Variants in PDE4D observed in about 807,000 individuals in gnomAD.
The protein encoded by PDE4D is phosphodiesterase 4D.
Under a neutral mutation model 87.4 loss-of-function variants are expected in PDE4D, and 24 were observed. That is an observed-to-expected ratio of 0.27 (90% CI 0.20 to 0.39). The LOEUF (loss-of-function observed/expected upper bound fraction) is 0.39, where lower values mean the gene tolerates loss of function less well. Among genes scored for constraint, PDE4D ranks in the 10% least tolerant of loss-of-function variants. The pLI is 1.00. For missense variants in PDE4D, 714 were observed against 1,041.0 expected, an observed-to-expected ratio of 0.69 and a Z score of 4.32; for synonymous variants, 384 against 383.2, an observed-to-expected ratio of 1.00 and a Z score of -0.02.
intron 2 of PDE4D, among the ~76,000 whole-genome samples, chr5:60,105,984 C>A (rs1441548096): frequency 1.3e-5 from 2 of 152,150 alleles, no homozygotes; most frequent in Non-Finnish European, 2.9e-5. Context: ...ATCATAATGA[C>A]AGGATCAACT....
intron 1 of PDE4D, among the ~76,000 whole-genome samples, chr5:59,790,496 G>A (rs1765662546): frequency 6.6e-6 from 1 of 152,302 alleles, no homozygotes; most frequent in East Asian, 1.9e-4. Flanking sequence ...GCTGTAGACT[G>A]TATGGAAATT....
chr5:59,872,262 TACACACACACACAC>T (rs71606610), intron 1 of PDE4D, among the ~76,000 whole-genome samples: 41 of 131,816 alleles, frequency 3.1e-4, no homozygotes, highest in Non-Finnish European at 4.8e-4. Flanking sequence ...ACAGAAGAGT[TACACACACACACAC>T]ACACACACAC....
At chr5:59,894,040 C>G (rs1268115802), upstream of PDE4D, among the ~76,000 whole-genome samples, 1 of 152,176 alleles carries the variant, frequency 6.6e-6, no homozygotes, top group East Asian at 1.9e-4. Context: ...GTGGTAGCCG[C>G]CTCCAGGGCA....
intron 1 of PDE4D, among the ~76,000 whole-genome samples, chr5:60,313,818 T>A (rs1366476628): frequency 6.6e-6 from 1 of 152,154 alleles, no homozygotes; most frequent in African/African-American, 2.4e-5. Flanking sequence ...ATTCATCACA[T>A]AAACAGAACT....
intron 1 of PDE4D, among the ~76,000 whole-genome samples, chr5:59,404,108 A>G (rs1791181257): frequency 6.6e-6 from 1 of 152,196 alleles, no homozygotes; most frequent in South Asian, 2.1e-4. Context: ...TCTTCTTTTC[A>G]GAAATGTCTA....
At chr5:59,582,468 T>C (rs1824344449) in intron 1 of PDE4D, among the ~76,000 whole-genome samples, 2 of 152,142 alleles carry the variant, frequency 1.3e-5, no homozygotes, top group African/African-American at 4.8e-5. Context: ...GGCAGGCCAT[T>C]CTGACTTTCT....
intron 1 of PDE4D, among the ~76,000 whole-genome samples, chr5:59,742,052 T>C (rs1262574158): frequency 6.6e-6 from 1 of 152,088 alleles, no homozygotes; most frequent in African/African-American, 2.4e-5. Flanking sequence ...ATCATCATCA[T>C]CATCTTCTTT....
intron 1 of PDE4D, among the ~76,000 whole-genome samples, chr5:59,325,432 G>A (rs1169286296): frequency 3.3e-5 from 5 of 152,216 alleles, no homozygotes; most frequent in East Asian, 3.9e-4. Flanking sequence ...TGCTACCTAC[G>A]TTTTTACGCT....
At chr5:60,378,479 G>T (rs1056949878) in intron 1 of PDE4D, among the ~76,000 whole-genome samples, 28 of 152,060 alleles carry the variant, frequency 1.8e-4, no homozygotes, top group African/African-American at 6.5e-4. Flanking sequence ...CACAAATTTT[G>T]CTCTGTTTGG....
At chr5:59,720,200 T>C (rs901708841) in intron 1 of PDE4D, among the ~76,000 whole-genome samples, 9 of 152,158 alleles carry the variant, frequency 5.9e-5, no homozygotes, top group African/African-American at 2.2e-4. Flanking sequence ...CTTGCTCTGT[T>C]GCCCAGGCTG....
Position 59,142,774 on chromosome 5 carries a change from A to T in PDE4D, c.808+37821T>A, listed in dbSNP as rs905194333. The stretch of plus-strand genomic sequence containing the variant: ...CTACTAAAAATACAACAAATTAGCC[A>T]GGCGTGGTGGCACACGCCTGTAGTC... On this transcript the variant is annotated intron_variant, in intron 5 of 14. Transcript: ENST00000340635. 4.6e-5 allele frequency among the ~76,000 whole-genome samples: 7 copies of T among 152,124 alleles called. 1 individual carries two copies. Among genetic ancestry groups the T allele is most frequent in the South Asian group, 4.1e-4 (2 of 4,830 alleles).
chr5:60,438,773 G>A (rs16878086), intron 1 of PDE4D, among the ~76,000 whole-genome samples: 6,777 of 152,138 alleles, frequency 0.045, 218 homozygotes, highest in East Asian at 0.14. Context: ...GTGCTTGATT[G>A]TACTCCTGAC....
intron 1 of PDE4D, among the ~76,000 whole-genome samples, chr5:59,626,282 G>T (rs1830898159): frequency 6.6e-6 from 1 of 152,112 alleles, no homozygotes; most frequent in East Asian, 1.9e-4. Context: ...AAACACAATG[G>T]TTATATGGAA....
At chr5:60,161,720 C>A (rs1349510941) in intron 2 of PDE4D, among the ~76,000 whole-genome samples, 1 of 152,080 alleles carries the variant, frequency 6.6e-6, no homozygotes, top group Non-Finnish European at 1.5e-5. Flanking sequence ...CACTTGCAAG[C>A]TTTTTAATAT....
At chr5:59,383,324 G>A (rs912987504) in intron 1 of PDE4D, among the ~76,000 whole-genome samples, 2 of 151,164 alleles carry the variant, frequency 1.3e-5, no homozygotes, top group East Asian at 1.9e-4. Context: ...TGGAAAAATC[G>A]CAAGCCTGCT....
intron 1 of PDE4D, among the ~76,000 whole-genome samples, chr5:60,304,412 G>A (rs1036181544): frequency 6.6e-5 from 10 of 151,860 alleles, no homozygotes; most frequent in South Asian, 6.2e-4. Flanking sequence ...TTGGGAGGCC[G>A]AGGCGGGTGG....
chr5:59,120,529 A>T (rs577574022), intron 5 of PDE4D, among the ~76,000 whole-genome samples: 41 of 152,180 alleles, frequency 2.7e-4, no homozygotes, highest in Non-Finnish European at 5.1e-4. Context: ...AAAAAAATTG[A>T]TAAACATCTA....
chr5:59,738,054 T>C (rs1202058813), intron 1 of PDE4D, among the ~76,000 whole-genome samples: 1 of 152,150 alleles, frequency 6.6e-6, no homozygotes, highest in Non-Finnish European at 1.5e-5. Context: ...TACTTTAAAA[T>C]TCAGTGAGCA....
At chr5:60,213,195 A>T (rs1039718498) in intron 1 of PDE4D, among the ~76,000 whole-genome samples, 1 of 152,234 alleles carries the variant, frequency 6.6e-6, no homozygotes, top group Non-Finnish European at 1.5e-5. Flanking sequence ...TCAAATACAT[A>T]TTAGATTCCA....
Sources: allele counts gnomAD v4.1 joint callset (sites outside exome capture counted in the v4.1 genomes callset), GRCh38; gene constraint gnomAD v4.1.1; transcripts MANE v1.5; gene names NCBI Gene and HGNC (gene_info 2026-07-23, HGNC 2026-07-21).